The following KCNJ3 variants were observed in gnomAD, a reference collection of about 807,000 sequenced individuals.
KCNJ3 encodes the protein G protein-activated inward rectifier potassium channel 1.
A neutral mutation model predicts 39.2 loss-of-function variants in KCNJ3; 4 were observed. That is an observed-to-expected ratio of 0.10 (90% confidence interval 0.05 to 0.23). The LOEUF (loss-of-function observed/expected upper bound fraction) is 0.23. Ranked by LOEUF, KCNJ3 falls within the 10% of genes least tolerant of loss-of-function variation. The pLI, the probability that KCNJ3 is intolerant of heterozygous loss-of-function variation, is 1.00. For missense variants in KCNJ3, 276 were observed against 634.9 expected (o/e 0.43, Z 6.08); for synonymous variants, 230 against 237.4 (o/e 0.97, Z 0.29).
intron 2 of KCNJ3, among the ~76,000 whole-genome samples, chr2:154,800,828 A>G (rs769988725): frequency 1.3e-5 from 2 of 152,118 alleles, no homozygotes; most frequent in Non-Finnish European, 2.9e-5. Context: ...GAGTCTCCTT[A>G]TTGTATAGAT....
At chr2:154,774,499 A>G (rs1031650500) in intron 2 of KCNJ3, among the ~76,000 whole-genome samples, 20 of 152,192 alleles carry the variant, frequency 1.3e-4, no homozygotes, top group African/African-American at 4.1e-4. Context: ...GTAATTTTTG[A>G]CAAAATTTTT....
rs1687838522 is a variant in KCNJ3 at position 154,856,300 on chromosome 2, T to G, written c.*987T>G. On this transcript the variant is annotated 3_prime_UTR_variant, in exon 3 of 3. Coordinates refer to ENST00000295101, the MANE Select transcript of KCNJ3 (RefSeq NM_002239.4). Reference sequence around the variant, plus strand: ...CCAAGTTATATTGAATATATCAGAATCTGTGTGAAGTTACACAATTAATTG... The same window carrying G: ...CCAAGTTATATTGAATATATCAGAAGCTGTGTGAAGTTACACAATTAATTG... The G allele has an allele frequency of 6.6e-6, 1 of 152,560 alleles. No homozygotes were observed. The highest frequency in any genetic ancestry group is 1.5e-5 in the Non-Finnish European group (1 of 67,986). 9.5% of individuals were successfully genotyped at this position (152,560 alleles called of 1,614,324 possible). A position where few individuals can be genotyped will look rare whatever the true frequency, so the allele number is the denominator to read the frequency against.
At chr2:154,825,598 C>G (rs979738378) in intron 2 of KCNJ3, among the ~76,000 whole-genome samples, 1 of 150,522 alleles carries the variant, frequency 6.6e-6, no homozygotes, top group African/African-American at 2.4e-5. Flanking sequence ...TTTTTTGAGA[C>G]AAGGTCTTGC....
At chr2:154,818,918 CTTTTTTTTTTTTTTTTTTTTT>C (rs57668487) in intron 2 of KCNJ3, among the ~76,000 whole-genome samples, 2 of 52,432 alleles carry the variant, frequency 3.8e-5, no homozygotes, top group African/African-American at 1.7e-4. Context: ...CTGCAAAAGC[CTTTTTTTTTTTTTTTTTTTTT>C]TTTTTTTTTT....
chr2:154,788,958 T>G (rs1234412382), intron 2 of KCNJ3, among the ~76,000 whole-genome samples: 1 of 152,118 alleles, frequency 6.6e-6, no homozygotes, highest in Non-Finnish European at 1.5e-5. Context: ...TTATCTGTTC[T>G]TGATTCAGAG....
At chr2:154,796,931 C>T (rs559451648) in intron 2 of KCNJ3, among the ~76,000 whole-genome samples, 1 of 152,208 alleles carries the variant, frequency 6.6e-6, no homozygotes, top group African/African-American at 2.4e-5. Context: ...CCATTTTATT[C>T]TAGACTCATT....
At chr2:154,852,393 CT>C (rs1285827569) in intron 2 of KCNJ3, among the ~76,000 whole-genome samples, 1 of 151,916 alleles carries the variant, frequency 6.6e-6, no homozygotes, top group African/African-American at 2.4e-5. Context: ...GAGATCTCAT[CT>C]CGAAAAACAT....
chr2:154,778,453 G>A (rs1348086978), intron 2 of KCNJ3, among the ~76,000 whole-genome samples: 3 of 152,106 alleles, frequency 2.0e-5, no homozygotes, highest in Non-Finnish European at 4.4e-5. Context: ...TTTCTGTCTA[G>A]TAAACCAAAA....
chr2:154,833,617 A>G (rs536194141), intron 2 of KCNJ3, among the ~76,000 whole-genome samples: 12 of 152,242 alleles, frequency 7.9e-5, no homozygotes, highest in Non-Finnish European at 1.8e-4. Context: ...TAACAAATGT[A>G]TGATGATGTA....
At chr2:154,842,128 C>T (rs1336766966) in intron 2 of KCNJ3, among the ~76,000 whole-genome samples, 1 of 152,192 alleles carries the variant, frequency 6.6e-6, no homozygotes, top group Non-Finnish European at 1.5e-5. Flanking sequence ...CCCAGAGATT[C>T]TGGTACATTG....
At chr2:154,837,404 T>C (rs1011029006) in intron 2 of KCNJ3, among the ~76,000 whole-genome samples, 6 of 152,150 alleles carry the variant, frequency 3.9e-5, no homozygotes, top group Non-Finnish European at 5.9e-5. Flanking sequence ...TAACATATCA[T>C]TGTCTTAAAA....
intron 2 of KCNJ3, among the ~76,000 whole-genome samples, chr2:154,839,929 T>G (rs535658036): frequency 2.1e-4 from 32 of 152,286 alleles, no homozygotes; most frequent in African/African-American, 7.5e-4. Flanking sequence ...GTGCAGAAGC[T>G]CTTTAGTTTA....
rs549334165 is a variant in KCNJ3, at chr2:154,854,122, A to G, written c.920-605A>G. Among the ~76,000 whole-genome samples the G allele has an allele frequency of 1.2e-4, 19 of 152,250 alleles. No individual in the cohort carries two copies. The South Asian group carries it at 3.3e-3, about 27-fold the overall frequency. On this transcript the variant is annotated intron_variant, in intron 2 of 2. Coordinates refer to ENST00000295101, the MANE Select transcript of KCNJ3 (RefSeq NM_002239.4). ...TTTTGTCCTCCCACCCCCCATAGCAATCCTTTGCTACGTAAAGACAAAAAG... is the reference window on the plus strand; with the variant it reads ...TTTTGTCCTCCCACCCCCCATAGCAGTCCTTTGCTACGTAAAGACAAAAAG...
At chr2:154,745,780 A>T (rs1039674068) in intron 2 of KCNJ3, among the ~76,000 whole-genome samples, 4 of 152,030 alleles carry the variant, frequency 2.6e-5, no homozygotes, top group African/African-American at 9.7e-5. Context: ...ACTTGATCTT[A>T]TCTAAATTTT....
At chr2:154,701,970 T>C (rs1038946630) in intron 1 of KCNJ3, among the ~76,000 whole-genome samples, 2 of 151,986 alleles carry the variant, frequency 1.3e-5, no homozygotes, top group African/African-American at 2.4e-5. Context: ...GGAGTCATGT[T>C]TTATTGGGGA....
rs375898600 is a variant in KCNJ3, at chr2:154,797,848, G to C, written c.920-56879G>C. Among the ~76,000 whole-genome samples the C allele has an allele frequency of 3.9e-4, 59 of 152,046 alleles. 1 individual carries two copies. In the East Asian group the frequency reaches 6.8e-3, roughly 17 times the overall value. ...ATTATATTGCATTATTATCATAAAA[G>C]TACTTAACATGAGATATGCTCTCAA... On this transcript the variant is annotated intron_variant, in intron 2 of 2. Transcript: ENST00000295101.
At chr2:154,799,314 A>G (rs148979785) in intron 2 of KCNJ3, among the ~76,000 whole-genome samples, 2 of 152,128 alleles carry the variant, frequency 1.3e-5, no homozygotes, top group South Asian at 2.1e-4. Flanking sequence ...TAATTTTTGC[A>G]TTTGTAGTAG....
At chr2:154,812,144 A>C (rs1331871682) in intron 2 of KCNJ3, among the ~76,000 whole-genome samples, 1 of 152,222 alleles carries the variant, frequency 6.6e-6, no homozygotes, top group East Asian at 1.9e-4. Flanking sequence ...GGTGACATTT[A>C]TGTATTCCTT....
chr2:154,779,754 G>A (rs2105202394), intron 2 of KCNJ3, among the ~76,000 whole-genome samples: 1 of 151,898 alleles, frequency 6.6e-6, no homozygotes, highest in East Asian at 1.9e-4. Flanking sequence ...ATGTTGGCCA[G>A]GATGTTCTCA....
Sources: gnomAD v4.1 joint callset for allele counts (sites outside exome capture counted in the v4.1 genomes callset) on GRCh38, gnomAD v4.1.1 for gene constraint, MANE v1.5 for transcripts, NCBI Gene and HGNC (gene_info 2026-07-23, HGNC 2026-07-21) for gene names.